Variants in DKK2 observed in about 807,000 individuals in gnomAD.
DKK2 encodes the protein dickkopf Wnt signaling pathway inhibitor 2.
Under a neutral mutation model 28.1 loss-of-function variants are expected in DKK2, and 11 were observed. That is an observed-to-expected ratio of 0.39 (90% CI 0.25 to 0.65). The LOEUF is 0.65. Among genes scored for constraint, DKK2 ranks in the 30% least tolerant of loss-of-function variants. The pLI, the probability that DKK2 is intolerant of heterozygous loss-of-function variation, is 0.47. For synonymous variants in DKK2, 135 were observed against 126.5 expected, an observed-to-expected ratio of 1.07 and a Z score of -0.45; for missense variants, 326 against 335.5, an observed-to-expected ratio of 0.97 and a Z score of 0.22.
chr4:106,932,723 A>G (rs750417149), intron 1 of DKK2, among the ~76,000 whole-genome samples: 3 of 152,212 alleles, frequency 2.0e-5, no homozygotes, highest in Non-Finnish European at 2.9e-5. Flanking sequence ...TTGTAATTGG[A>G]TAAGTATAAT....
At chr4:106,967,782 G>A (rs1416092290) in intron 1 of DKK2, among the ~76,000 whole-genome samples, 2 of 150,218 alleles carry the variant, frequency 1.3e-5, no homozygotes, top group Non-Finnish European at 3.0e-5. Flanking sequence ...AAGGAAGCAA[G>A]TAAAAGAGAA....
At chr4:106,950,391 T>C (rs1724841589) in intron 1 of DKK2, among the ~76,000 whole-genome samples, 1 of 152,108 alleles carries the variant, frequency 6.6e-6, no homozygotes, top group East Asian at 1.9e-4. Context: ...TTCCAAGATA[T>C]CCACCCTGCC....
At chr4:106,995,864 G>A (rs1723265389) in intron 1 of DKK2, among the ~76,000 whole-genome samples, 1 of 152,156 alleles carries the variant, frequency 6.6e-6, no homozygotes, top group Non-Finnish European at 1.5e-5. Flanking sequence ...ACCCGCTTCT[G>A]CCTCCCAAAG....
At chr4:107,033,511 T>C (rs1371530590) in intron 1 of DKK2, among the ~76,000 whole-genome samples, 1 of 152,150 alleles carries the variant, frequency 6.6e-6, no homozygotes, top group East Asian at 1.9e-4. Context: ...GTCTCCCCTG[T>C]GTAACGCTAA....
rs1285818815 is a variant in DKK2 at position 106,937,954 on chromosome 4, G to T, written c.223-12005C>A. ...ACACACAACATACCAGAATCTCTGGGACGCATTCAAAGCAGTGTGTAGAGG... is the reference window on the plus strand; with the variant it reads ...ACACACAACATACCAGAATCTCTGGTACGCATTCAAAGCAGTGTGTAGAGG... On this transcript the variant is annotated intron_variant, in intron 1 of 3. Transcript: ENST00000285311. 3.4e-5 allele frequency among the ~76,000 whole-genome samples: 5 copies of T among 146,622 alleles called. No homozygotes were observed. In the Middle Eastern group the frequency reaches 0.017, roughly 513 times the overall value.
intron 1 of DKK2, among the ~76,000 whole-genome samples, chr4:106,955,211 T>C (rs187490822): frequency 4.8e-4 from 73 of 152,280 alleles, no homozygotes; most frequent in African/African-American, 1.7e-3. Context: ...TGTTATTTCT[T>C]ATAATGTTTA....
intron 1 of DKK2, among the ~76,000 whole-genome samples, chr4:106,941,535 A>G (rs1724699006): frequency 6.6e-6 from 1 of 152,142 alleles, no homozygotes; most frequent in Non-Finnish European, 1.5e-5. Flanking sequence ...TGCCTGAGCT[A>G]CATTCTCATT....
At chr4:106,989,084 G>C (rs1485780676) in intron 1 of DKK2, among the ~76,000 whole-genome samples, 2 of 152,136 alleles carry the variant, frequency 1.3e-5, no homozygotes, top group African/African-American at 4.8e-5. Context: ...TTTTTCATAG[G>C]AGTATGGTGA....
chr4:106,946,494 GT>G (rs1026532521), intron 1 of DKK2, among the ~76,000 whole-genome samples: 4 of 152,062 alleles, frequency 2.6e-5, no homozygotes, highest in African/African-American at 9.6e-5. Flanking sequence ...ATATTTTTGT[GT>G]TATCTCTGAC....
At chr4:106,965,068 C>A (rs573987181) in intron 1 of DKK2, among the ~76,000 whole-genome samples, 1 of 152,156 alleles carries the variant, frequency 6.6e-6, no homozygotes, top group East Asian at 1.9e-4. Flanking sequence ...TATCACTCAA[C>A]CTACATGATT....
intron 1 of DKK2, among the ~76,000 whole-genome samples, chr4:106,929,858 T>C (rs1238554944): frequency 6.6e-6 from 1 of 152,220 alleles, no homozygotes; most frequent in Non-Finnish European, 1.5e-5. Context: ...AAGTAATGTG[T>C]GCTCAGTGGC....
intron 1 of DKK2, among the ~76,000 whole-genome samples, chr4:106,990,900 C>T (rs182008176): frequency 6.6e-6 from 1 of 151,914 alleles, no homozygotes; most frequent in East Asian, 1.9e-4. Context: ...TTATCTTTGA[C>T]TTCTGTACAT....
At chr4:106,975,805 T>C (rs1193704066) in intron 1 of DKK2, among the ~76,000 whole-genome samples, 1 of 152,226 alleles carries the variant, frequency 6.6e-6, no homozygotes, top group Non-Finnish European at 1.5e-5. Context: ...TTGCTCTTGC[T>C]TCTCTAATTC....
At chr4:107,032,918 T>C (rs1489708562) in intron 1 of DKK2, among the ~76,000 whole-genome samples, 1 of 152,184 alleles carries the variant, frequency 6.6e-6, no homozygotes, top group African/African-American at 2.4e-5. Context: ...ATAGCCTTTC[T>C]AATTTCCATT....
At chr4:106,967,805 G>T (rs1422977726) in intron 1 of DKK2, among the ~76,000 whole-genome samples, 1 of 149,306 alleles carries the variant, frequency 6.7e-6, no homozygotes, top group Non-Finnish European at 1.5e-5. Context: ...GAGGGGAGAA[G>T]AAGAGAGGAA....
chr4:107,031,615 GA>G (rs1723876652), intron 1 of DKK2, among the ~76,000 whole-genome samples: 1 of 151,962 alleles, frequency 6.6e-6, no homozygotes, highest in Non-Finnish European at 1.5e-5. Flanking sequence ...ACACATGCCA[GA>G]AAGTTTATCT....
chr4:106,998,171 G>T (rs1294102034), intron 1 of DKK2, among the ~76,000 whole-genome samples: 1 of 152,166 alleles, frequency 6.6e-6, no homozygotes, highest in Non-Finnish European at 1.5e-5. Context: ...TTTCTTCTCA[G>T]TTGCCAAGAT....
chr4:106,998,113 G>A (rs1463484116), intron 1 of DKK2, among the ~76,000 whole-genome samples: 1 of 152,190 alleles, frequency 6.6e-6, no homozygotes, highest in Non-Finnish European at 1.5e-5. Context: ...GTAGGAGAAT[G>A]CTAAACAACT....
chr4:106,965,140 T>C (rs28590389), intron 1 of DKK2, among the ~76,000 whole-genome samples: 63 of 152,338 alleles, frequency 4.1e-4, no homozygotes, highest in African/African-American at 1.5e-3. Flanking sequence ...ACTTTTCTTG[T>C]ACTCCTACAT....
Sources: gnomAD v4.1 joint callset for allele counts (sites outside exome capture counted in the v4.1 genomes callset) on GRCh38, gnomAD v4.1.1 for gene constraint, MANE v1.5 for transcripts, NCBI Gene and HGNC (gene_info 2026-07-23, HGNC 2026-07-21) for gene names.